The following SEMA6D variants were observed in gnomAD, a reference collection of about 807,000 sequenced individuals.
SEMA6D encodes semaphorin-6D.
A neutral mutation model predicts 106.6 loss-of-function variants in SEMA6D; 35 were observed. The observed-to-expected ratio is 0.33, with a 90% CI of 0.25 to 0.44. SEMA6D has a LOEUF of 0.44. SEMA6D is among the 20% of genes least tolerant of loss of function. The probability of loss-of-function intolerance (pLI) is 1.00; values close to 1 mark genes in which losing one functional copy is unlikely to be tolerated. For missense variants in SEMA6D, 1,185 were observed against 1,345.9 expected (o/e 0.88, Z 1.87); for synonymous variants, 499 against 487.7 (o/e 1.02, Z -0.31).
chr15:47,746,984 G>A (rs1224650), intron 1 of SEMA6D, among the ~76,000 whole-genome samples: 49,165 of 121,276 alleles, frequency 0.41, 9,459 homozygotes, highest in Middle Eastern at 0.49. Flanking sequence ...GTGTGTGTGT[G>A]TATATATATA....
intron 3 of SEMA6D, among the ~76,000 whole-genome samples, chr15:47,491,743 A>G (rs895848247): frequency 6.6e-6 from 1 of 152,222 alleles, no homozygotes; most frequent in Admixed American, 6.5e-5. Flanking sequence ...TAACTTGAGA[A>G]TATAAATATT....
chr15:47,522,255 A>C lies in SEMA6D; in HGVS notation c.-87+51710A>C, dbSNP rs541639485. Among the ~76,000 whole-genome samples, 92 of 152,316 alleles carry C rather than the reference A, an allele frequency of 6.0e-4. 1 individual carries two copies. The highest frequency in any genetic ancestry group is 1.9e-3 in the African/African-American group (78 of 41,558). ...CAAAGCATTTGTAATCACATTTCAAACTCATGTCTATTCAATGCTTTAAGA... is the reference window on the plus strand; with the variant it reads ...CAAAGCATTTGTAATCACATTTCAACCTCATGTCTATTCAATGCTTTAAGA... On this transcript the variant is annotated intron_variant, in intron 3 of 19. Coordinates refer to the SEMA6D transcript ENST00000558014.
chr15:47,196,520 T>C (rs1039315918), intron 1 of SEMA6D, among the ~76,000 whole-genome samples: 7 of 152,216 alleles, frequency 4.6e-5, no homozygotes, highest in African/African-American at 1.4e-4. Flanking sequence ...TAACGTTTTT[T>C]CAGAAATTTG....
chr15:47,655,688 C>A (rs2077778940), intron 4 of SEMA6D, among the ~76,000 whole-genome samples: 1 of 152,156 alleles, frequency 6.6e-6, no homozygotes, highest in Admixed American at 6.5e-5. Flanking sequence ...TTAATGTGTT[C>A]TTGAAGCTCT....
At chr15:47,453,082 T>A (rs1446027251) in intron 2 of SEMA6D, among the ~76,000 whole-genome samples, 1 of 151,944 alleles carries the variant, frequency 6.6e-6, no homozygotes, top group East Asian at 1.9e-4. Context: ...ACTTCCTGTT[T>A]CAAAATTGAA....
intron 2 of SEMA6D, among the ~76,000 whole-genome samples, chr15:47,448,802 C>T (rs1002890832): frequency 7.9e-5 from 12 of 152,040 alleles, no homozygotes; most frequent in African/African-American, 2.4e-4. Flanking sequence ...TGAGAGGACT[C>T]GGTCTTCATC....
At chr15:47,603,746 G>C (rs1466785184) in intron 4 of SEMA6D, 1 of 151,712 alleles carries the variant, frequency 6.6e-6, no homozygotes, top group Non-Finnish European at 1.5e-5. Context: ...ATTTCCTTCT[G>C]TTGATTCCTG....
chr15:47,431,007 A>G (rs1359679298), intron 2 of SEMA6D, among the ~76,000 whole-genome samples: 1 of 152,182 alleles, frequency 6.6e-6, no homozygotes, highest in Non-Finnish European at 1.5e-5. Context: ...GGCCATTTCT[A>G]TAGCTATCAA....
intron 1 of SEMA6D, among the ~76,000 whole-genome samples, chr15:47,360,859 C>T (rs1051760451): frequency 6.6e-6 from 1 of 152,180 alleles, no homozygotes; most frequent in African/African-American, 2.4e-5. Flanking sequence ...AAACCATATA[C>T]TGGGAAATTT....
At chr15:47,525,306 T>A (rs939899031) in intron 3 of SEMA6D, 3 of 152,250 alleles carry the variant, frequency 2.0e-5, no homozygotes, top group Non-Finnish European at 4.4e-5. Flanking sequence ...AACATAGCTA[T>A]GCTTCTCACC....
intron 2 of SEMA6D, among the ~76,000 whole-genome samples, chr15:47,447,972 T>C (rs934818441): frequency 6.6e-6 from 1 of 152,126 alleles, no homozygotes; most frequent in Non-Finnish European, 1.5e-5. Flanking sequence ...TCACAGAAGT[T>C]TTCTTTATTG....
chr15:47,704,701 A>G (rs1429696156), intron 4 of SEMA6D, among the ~76,000 whole-genome samples: 3 of 150,930 alleles, frequency 2.0e-5, no homozygotes, highest in Non-Finnish European at 4.4e-5. Flanking sequence ...CCTGGGCAAC[A>G]GAGCCAGACC....
intron 1 of SEMA6D, among the ~76,000 whole-genome samples, chr15:47,388,311 C>T (rs1482002832): frequency 6.6e-6 from 1 of 152,026 alleles, no homozygotes; most frequent in Non-Finnish European, 1.5e-5. Context: ...CCTCCTTTAC[C>T]TGTTGTTTCA....
At position 47,771,905 on chromosome 15, in the gene SEMA6D, G is replaced by A. The variant is rs1370182878; in HGVS notation, c.*120G>A. ...ATTTTAAGAGAACCAAGTGGCCAAA[G>A]AAACTCTTTCTAACTTTGGCAACAT... On this transcript the variant is annotated 3_prime_UTR_variant, in exon 19 of 19. Coordinates refer to ENST00000536845, the MANE Select transcript of SEMA6D (RefSeq NM_001358351.3). 6.4e-6 allele frequency: 7 copies of A among 1,101,728 alleles called. No homozygotes were observed. Among genetic ancestry groups the A allele is most frequent in the Non-Finnish European group, 9.2e-6 (7 of 764,780 alleles). The allele number at this position is 1,101,728 out of a possible 1,614,324, so 68.2% of individuals were successfully genotyped here. A position where few individuals can be genotyped will look rare whatever the true frequency, so the allele number is the denominator to read the frequency against.
intron 4 of SEMA6D, among the ~76,000 whole-genome samples, chr15:47,612,182 C>A (rs2076920026): frequency 6.6e-6 from 1 of 152,138 alleles, no homozygotes; most frequent in Admixed American, 6.5e-5. Context: ...GCTCTTTATG[C>A]TGCCCCTGAG....
intron 1 of SEMA6D, among the ~76,000 whole-genome samples, chr15:47,394,325 A>C (rs1381507004): frequency 6.6e-6 from 1 of 152,224 alleles, no homozygotes; most frequent in Non-Finnish European, 1.5e-5. Context: ...GAAAAGAAAA[A>C]GAAAAGAGCT....
At chr15:47,528,941 G>A (rs11070592) in intron 3 of SEMA6D, among the ~76,000 whole-genome samples, 76,911 of 151,936 alleles carry the variant, frequency 0.51, 21,089 homozygotes, top group African/African-American at 0.74. Context: ...GTTGCTTAAC[G>A]CATATGTTCA....
chr15:47,431,116 A>G (rs1313323277), intron 2 of SEMA6D, among the ~76,000 whole-genome samples: 1 of 152,136 alleles, frequency 6.6e-6, no homozygotes, highest in Non-Finnish European at 1.5e-5. Context: ...TTGTTTTTCA[A>G]AGAACAGACA....
At chr15:47,428,963 G>C (rs2140510100) in intron 2 of SEMA6D, among the ~76,000 whole-genome samples, 1 of 151,606 alleles carries the variant, frequency 6.6e-6, no homozygotes. Flanking sequence ...AAGCAAGGAA[G>C]GGCCGAAAGA....
Sources: allele counts gnomAD v4.1 joint callset (sites outside exome capture counted in the v4.1 genomes callset), GRCh38; gene constraint gnomAD v4.1.1; transcripts MANE v1.5; gene names NCBI Gene and HGNC (gene_info 2026-07-23, HGNC 2026-07-21).